PRKN: variants seen among roughly 807,000 people sequenced by gnomAD.
PRKN encodes parkin RBR E3 ubiquitin protein ligase, also known as E3 ubiquitin-protein ligase parkin.
Under a neutral mutation model 59.5 loss-of-function variants are expected in PRKN, and 56 were observed. The ratio of observed to expected loss-of-function variants is 0.94; its 90% CI spans 0.76 to 1.18. The LOEUF (loss-of-function observed/expected upper bound fraction) is 1.18. Ranked by LOEUF, PRKN falls within the 50% of genes most tolerant of loss-of-function variation. The pLI is 0.00. For missense variants in PRKN, 657 were observed against 596.4 expected, an observed-to-expected ratio of 1.10 and a Z score of -1.06; for synonymous variants, 250 against 222.1, an observed-to-expected ratio of 1.13 and a Z score of -1.12.
chr6:162,368,665 A>G (rs7755272), intron 2 of PRKN, among the ~76,000 whole-genome samples: 1,781 of 152,300 alleles, frequency 0.012, 36 homozygotes, highest in African/African-American at 0.04. Flanking sequence ...TGTATAGAAC[A>G]TCTAGGAAAG....
chr6:162,173,974 G>C (rs1474707248), intron 4 of PRKN, among the ~76,000 whole-genome samples: 4 of 152,164 alleles, frequency 2.6e-5, no homozygotes, highest in African/African-American at 7.2e-5. Context: ...TTATAGATCT[G>C]TGCTGACATG....
At chr6:162,548,888 C>T (rs536577292) in intron 1 of PRKN, among the ~76,000 whole-genome samples, 3 of 152,268 alleles carry the variant, frequency 2.0e-5, no homozygotes, top group East Asian at 3.9e-4. Flanking sequence ...TCCGCTCACT[C>T]CCCTTATCTT....
intron 10 of PRKN, among the ~76,000 whole-genome samples, chr6:161,382,290 G>A (rs1435921819): frequency 6.6e-6 from 1 of 152,068 alleles, no homozygotes; most frequent in Non-Finnish European, 1.5e-5. Flanking sequence ...TCTGGGAGGA[G>A]GTAACATGAT....
At chr6:162,621,863 T>G (rs1725209695) in intron 1 of PRKN, among the ~76,000 whole-genome samples, 1 of 152,194 alleles carries the variant, frequency 6.6e-6, no homozygotes, top group African/African-American at 2.4e-5. Context: ...TGGCCCAGGC[T>G]GGAGGGCAGT....
At chr6:162,537,528 A>C (rs768534805) in intron 1 of PRKN, among the ~76,000 whole-genome samples, 1 of 152,096 alleles carries the variant, frequency 6.6e-6, no homozygotes, top group Non-Finnish European at 1.5e-5. Flanking sequence ...ATCTCTCCAC[A>C]GTGCACGTGT....
chr6:161,676,528 G>C (rs1785092851), intron 7 of PRKN, among the ~76,000 whole-genome samples: 1 of 152,210 alleles, frequency 6.6e-6, no homozygotes, highest in South Asian at 2.1e-4. Flanking sequence ...GTCAGTGTCT[G>C]TAAGTAAAGT....
intron 2 of PRKN, among the ~76,000 whole-genome samples, chr6:162,313,390 A>G (rs1363714837): frequency 6.6e-6 from 1 of 152,086 alleles, no homozygotes; most frequent in East Asian, 1.9e-4. Flanking sequence ...ACTTAGCATC[A>G]TGTCTCAAGG....
At chr6:162,148,107 T>TCTA (rs1480677275) in intron 4 of PRKN, among the ~76,000 whole-genome samples, 3 of 152,190 alleles carry the variant, frequency 2.0e-5, no homozygotes, top group Non-Finnish European at 4.4e-5. Flanking sequence ...CATAATCCAG[T>TCTA]TGACTAGCCT....
intron 6 of PRKN, among the ~76,000 whole-genome samples, chr6:161,937,077 C>T (rs1411450948): frequency 6.6e-6 from 1 of 152,096 alleles, no homozygotes; most frequent in Non-Finnish European, 1.5e-5. Flanking sequence ...TGAGCCACCA[C>T]ACCCAGCTGT....
chr6:162,315,243 T>G (rs1782701933), intron 2 of PRKN, among the ~76,000 whole-genome samples: 1 of 152,192 alleles, frequency 6.6e-6, no homozygotes, highest in Non-Finnish European at 1.5e-5. Context: ...AAAGTGGTAA[T>G]TGATCTAACT....
At chr6:162,515,240 G>A (rs1261289090) in intron 1 of PRKN, among the ~76,000 whole-genome samples, 5 of 151,870 alleles carry the variant, frequency 3.3e-5, no homozygotes, top group East Asian at 1.9e-4. Context: ...GCACTACCAC[G>A]CCCAGCTAAT....
intron 4 of PRKN, among the ~76,000 whole-genome samples, chr6:162,123,680 AT>A (rs1426436121): frequency 1.3e-5 from 2 of 152,176 alleles, no homozygotes; most frequent in African/African-American, 4.8e-5. Context: ...ACGAATAGTT[AT>A]TTTTTATTAG....
At chr6:161,652,223 T>C (rs181247513) in intron 7 of PRKN, among the ~76,000 whole-genome samples, 169 of 152,342 alleles carry the variant, frequency 1.1e-3, no homozygotes, top group African/African-American at 3.9e-3. Context: ...GTTACACATG[T>C]ATATCTAAAG....
At chr6:162,624,125 G>A (rs376111508) in intron 1 of PRKN, among the ~76,000 whole-genome samples, 59 of 152,012 alleles carry the variant, frequency 3.9e-4, no homozygotes, top group African/African-American at 9.9e-4. Context: ...CCGCATCCCT[G>A]TAGTCCCAGC....
intron 6 of PRKN, among the ~76,000 whole-genome samples, chr6:161,903,716 T>C (rs1778022129): frequency 6.6e-6 from 1 of 151,978 alleles, no homozygotes; most frequent in African/African-American, 2.4e-5. Flanking sequence ...ATGAAACAGA[T>C]ATACCCACTT....
At chr6:162,468,598 G>A (rs1375189452) in intron 1 of PRKN, among the ~76,000 whole-genome samples, 1 of 152,206 alleles carries the variant, frequency 6.6e-6, no homozygotes, top group East Asian at 1.9e-4. Context: ...TTGGATGGTA[G>A]CCCAGCTGAT....
intron 5 of PRKN, among the ~76,000 whole-genome samples, chr6:162,024,826 A>G (rs1423299661): frequency 1.3e-5 from 2 of 152,198 alleles, no homozygotes; most frequent in African/African-American, 4.8e-5. Context: ...ACAAAGAGAA[A>G]GCAGTCTTAT....
chr6:162,258,531 GT>G (rs940043432), intron 3 of PRKN, among the ~76,000 whole-genome samples: 5 of 109,168 alleles, frequency 4.6e-5, no homozygotes, highest in African/African-American at 2.9e-4. Flanking sequence ...TGAAAATGTA[GT>G]AAAAATAGAT....
In PRKN at chr6:161,360,038, TC is replaced by T; in HGVS notation, c.1285+49del. On this transcript the variant is annotated intron_variant, in intron 11 of 11. Coordinates refer to ENST00000366898, the MANE Select transcript of PRKN (RefSeq NM_004562.3). This position sits in a 1 kb window ranked among gnomAD's most constrained non-coding sequence, Gnocchi z 5.1. ...CTGGAATCCCTGATGGGTATGATTCTCCCCCAAAGAGCACACGACATCCTCA... is the reference window on the plus strand; with the variant it reads ...CTGGAATCCCTGATGGGTATGATTCTCCCCAAAGAGCACACGACATCCTCA... 2 of 1,335,200 alleles carry T rather than the reference TC, an allele frequency of 1.5e-6. No individual in the cohort carries two copies. The highest frequency in any genetic ancestry group is 2.2e-6 in the Non-Finnish European group (2 of 925,530). The allele number at this position is 1,335,200 out of a possible 1,614,324, so 82.7% of individuals were successfully genotyped here. A position where few individuals can be genotyped will look rare whatever the true frequency, so the allele number is the denominator to read the frequency against.
Sources: gnomAD v4.1 joint callset for allele counts (sites outside exome capture counted in the v4.1 genomes callset) on GRCh38, gnomAD v4.1.1 for gene constraint, Gnocchi (gnomAD v3.1) non-coding constraint, MANE v1.5 for transcripts, NCBI Gene and HGNC (gene_info 2026-07-23, HGNC 2026-07-21) for gene names.